MYRFL: variants seen among roughly 807,000 people sequenced by gnomAD.
The protein encoded by MYRFL is myelin regulatory factor like.
Under a neutral mutation model 109.4 loss-of-function variants are expected in MYRFL, and 88 were observed. That is an observed-to-expected ratio of 0.80 (90% CI 0.68 to 0.96). The LOEUF (loss-of-function observed/expected upper bound fraction) is 0.96. Ranked by LOEUF, MYRFL falls within the 40% of genes least tolerant of loss-of-function variation. MYRFL has a pLI of 0.00. For missense variants in MYRFL, 957 were observed against 954.9 expected, an observed-to-expected ratio of 1.00 and a Z score of -0.03; for synonymous variants, 324 against 320.9, an observed-to-expected ratio of 1.01 and a Z score of -0.10.
chr12:69,955,378 T>C lies in MYRFL; in HGVS notation c.2391T>C (p.Asn797=). The C allele has an allele frequency of 1.5e-6, 1 of 652,504 alleles. No homozygotes were observed. The highest frequency in any genetic ancestry group is 2.7e-6 in the Non-Finnish European group (1 of 366,190). 40.4% of individuals were successfully genotyped at this position (652,504 alleles called of 1,614,324 possible). A position where few individuals can be genotyped will look rare whatever the true frequency, so the allele number is the denominator to read the frequency against. Residue 797 remains asparagine (N), a synonymous_variant, in exon 22 of 25, where the codon AAT becomes AAC. Transcript: ENST00000552032. The part of the protein sequence containing the change: ...QSLQCGSGNY[N]YNIPVNKHTP... The stretch of plus-strand genomic sequence containing the variant: ...CCATAATTAGATCTGGAAATTATAA[T>C]TACAATATTCCTGTTAATAAACACA...
intron 1 of MYRFL, among the ~76,000 whole-genome samples, chr12:69,838,020 C>G (rs1479451768): frequency 6.6e-6 from 1 of 152,144 alleles, no homozygotes; most frequent in African/African-American, 2.4e-5. Flanking sequence ...TCCAAGTCTT[C>G]TGGATTTCCT....
rs561193506 is a variant in MYRFL, at chr12:69,877,430, G to A, written c.138-1598G>A. ...GACTCCTGCGTCCTGGGCTTTTTGA[G>A]TTTTGTTTGATTGGAAAACTTCTTG... is the stretch of plus-strand genomic sequence containing the variant. On this transcript the variant is annotated intron_variant, in intron 2 of 24. Coordinates refer to ENST00000552032, the MANE Select transcript of MYRFL (RefSeq NM_182530.3). 5.9e-5 allele frequency among the ~76,000 whole-genome samples: 9 copies of A among 152,170 alleles called. No individual in the cohort carries two copies. In the South Asian group the frequency reaches 1.7e-3, roughly 28 times the overall value.
At chr12:69,946,248 T>C (rs1410598138) in intron 19 of MYRFL, among the ~76,000 whole-genome samples, 1 of 152,148 alleles carries the variant, frequency 6.6e-6, no homozygotes, top group East Asian at 1.9e-4. Flanking sequence ...TGTGTCCACC[T>C]AGACAGAACT....
chr12:69,954,747 A>G (rs192831156), intron 21 of MYRFL, among the ~76,000 whole-genome samples: 163 of 152,292 alleles, frequency 1.1e-3, no homozygotes, highest in Admixed American at 6.7e-3. Context: ...TTTTTGCTGG[A>G]GTTTTTCGTT....
chr12:69,891,561 A>ATCTTTCTTTCTTTC (rs756108051), intron 7 of MYRFL, among the ~76,000 whole-genome samples: 1 of 113,998 alleles, frequency 8.8e-6, no homozygotes, highest in African/African-American at 3.1e-5. Context: ...AAAGGTGTCA[A>ATCTTTCTTTCTTTC]TTTCTTTCTT....
chr12:69,948,088 C>T (rs1035406520), intron 19 of MYRFL, among the ~76,000 whole-genome samples: 4 of 152,046 alleles, frequency 2.6e-5, no homozygotes, highest in African/African-American at 4.8e-5. Flanking sequence ...CACTGGAAGG[C>T]ATTTGTAAAA....
intron 12 of MYRFL, among the ~76,000 whole-genome samples, chr12:69,910,433 T>C (rs1437368803): frequency 6.6e-6 from 1 of 151,814 alleles, no homozygotes; most frequent in African/African-American, 2.4e-5. Context: ...GCAGGGTAAG[T>C]GGATCTAGAT....
chr12:69,943,514 C>T lies in MYRFL; in HGVS notation c.2224+6882C>T, dbSNP rs562327381. On this transcript the variant is annotated intron_variant, in intron 19 of 24. Transcript: ENST00000552032. ...GCTGAAACTGGATCCCTTCCTTACA[C>T]CTTATACAAAAATCAATTCAAGATG... 1.3e-3 allele frequency among the ~76,000 whole-genome samples: 196 copies of T among 149,806 alleles called. 1 individual carries two copies. In the South Asian group the frequency reaches 0.02, roughly 15 times the overall value.
intron 11 of MYRFL, among the ~76,000 whole-genome samples, chr12:69,909,686 T>G (rs2120385370): frequency 6.6e-6 from 1 of 152,298 alleles, no homozygotes. Flanking sequence ...TGGGACCCCG[T>G]AGTGACAGTT....
At chr12:69,953,962 G>C (rs934309687) in intron 21 of MYRFL, among the ~76,000 whole-genome samples, 2 of 152,104 alleles carry the variant, frequency 1.3e-5, no homozygotes, top group African/African-American at 4.8e-5. Flanking sequence ...ATGGCTGTGA[G>C]TTATAAAAAT....
intron 1 of MYRFL, among the ~76,000 whole-genome samples, chr12:69,852,244 A>T (rs1470808521): frequency 6.6e-6 from 1 of 152,144 alleles, no homozygotes; most frequent in Non-Finnish European, 1.5e-5. Flanking sequence ...AGGTTTTTGC[A>T]ATGTTGTCTT....
At chr12:69,887,074 G>A in intron 6 of MYRFL, 104 bp downstream of exon 6, 1 of 1,211,242 alleles carries the variant, frequency 8.3e-7, no homozygotes, top group Admixed American at 2.4e-5. Context: ...GGTCAAGTGG[G>A]GCAAATCAGT....
In MYRFL at chr12:69,893,903, T is replaced by A. The variant is rs555943291; in HGVS notation, c.980+63T>A. The A allele has an allele frequency of 3.8e-3, 2,207 of 587,600 alleles. 8 individuals carry two copies. Among genetic ancestry groups the A allele is most frequent in the Non-Finnish European group, 4.1e-3 (1,691 of 411,974 alleles). 36.4% of individuals were successfully genotyped at this position (587,600 alleles called of 1,614,324 possible). On this transcript the variant is annotated intron_variant, in intron 8 of 24. Coordinates refer to ENST00000552032, the MANE Select transcript of MYRFL (RefSeq NM_182530.3). ...TGTGAATAAACACCTACTTTGTTTT[T>A]TATATATATATAATTTTATTTATTA... is the stretch of plus-strand genomic sequence containing the variant.
chr12:69,859,659 A>C (rs1269636180), intron 2 of MYRFL, among the ~76,000 whole-genome samples: 1 of 152,236 alleles, frequency 6.6e-6, no homozygotes, highest in Non-Finnish European at 1.5e-5. Flanking sequence ...GCCAAAAAAC[A>C]CATGAAAAAA....
At chr12:69,948,746 A>T (rs1390615779) in intron 19 of MYRFL, among the ~76,000 whole-genome samples, 1 of 152,238 alleles carries the variant, frequency 6.6e-6, no homozygotes, top group Non-Finnish European at 1.5e-5. Flanking sequence ...CTCCTCATAT[A>T]TCAGGACCCA....
chr12:69,939,279 C>A lies in MYRFL; in HGVS notation c.2224+2647C>A, dbSNP rs1421358324. The stretch of plus-strand genomic sequence containing the variant: ...AAAAGACAGCAGTAACCTCTGCAGA[C>A]TTAAATGTCCCTGTCTGACAGCTTT... On this transcript the variant is annotated intron_variant, in intron 19 of 24. Transcript: ENST00000552032. 2.0e-5 allele frequency among the ~76,000 whole-genome samples: 3 copies of A among 152,164 alleles called. No individual in the cohort carries two copies. The East Asian group carries it at 5.8e-4, about 29-fold the overall frequency.
chr12:69,855,467 A>G (rs780849472), intron 2 of MYRFL, 97 bp downstream of exon 2: 1 of 622,406 alleles, frequency 1.6e-6, no homozygotes, highest in East Asian at 2.8e-5. Flanking sequence ...GTTTTCCAAA[A>G]TAACTTGGGT....
rs575550771 is a variant in MYRFL, at chr12:69,877,338, T to C, written c.138-1690T>C. On this transcript the variant is annotated intron_variant, in intron 2 of 24. Coordinates refer to ENST00000552032, the MANE Select transcript of MYRFL (RefSeq NM_182530.3). ...GCGCCAGGCCTCCAGTTGTTTCTTG[T>C]TCAAATGTTCAACCAATCCTTTTGT... Among the ~76,000 whole-genome samples the C allele has an allele frequency of 2.0e-5, 3 of 152,290 alleles. No homozygotes were observed. In the South Asian group the frequency reaches 6.2e-4, roughly 32 times the overall value.
intron 2 of MYRFL, among the ~76,000 whole-genome samples, chr12:69,877,826 T>C (rs1257769483): frequency 6.6e-6 from 1 of 152,138 alleles, no homozygotes. Context: ...GAGAATCAAG[T>C]AGAGGTTGGG....
Sources: gnomAD v4.1 joint callset for allele counts (sites outside exome capture counted in the v4.1 genomes callset) on GRCh38, gnomAD v4.1.1 for gene constraint, MANE v1.5 for transcripts, NCBI Gene and HGNC (gene_info 2026-07-23, HGNC 2026-07-21) for gene names.